Variants in SPARCL1 observed in about 807,000 individuals in gnomAD.
SPARCL1 encodes the protein SPARC-like protein 1.
SPARCL1 carries 52 observed loss-of-function variants against 67.1 expected under a neutral mutation model. That is an observed-to-expected ratio of 0.78 (90% CI 0.62 to 0.98). The LOEUF (loss-of-function observed/expected upper bound fraction) is 0.98, where lower values mean the gene tolerates loss of function less well. SPARCL1 is among the 50% of genes least tolerant of loss of function. The probability of loss-of-function intolerance (pLI) is 0.00; values close to 1 mark genes in which losing one functional copy is unlikely to be tolerated. For missense variants in SPARCL1, 717 were observed against 782.4 expected, an observed-to-expected ratio of 0.92 and a Z score of 1.00; for synonymous variants, 226 against 267.8, an observed-to-expected ratio of 0.84 and a Z score of 1.52.
rs373527512 is a variant in SPARCL1, at chr4:87,491,636, T to C, written c.1273A>G (p.Met425Val). ...NEEETSSEGN[M>V]RVHAVDSCMS... is the part of the protein sequence containing the mutation. ...TACTCACCCACAGCATGCACCCTCATGTTGCCTTCACTTGACGTTTCCTCC... is the reference window on the plus strand; with the variant it reads ...TACTCACCCACAGCATGCACCCTCACGTTGCCTTCACTTGACGTTTCCTCC... Residue 425 changes from methionine (M) to valine (V), a missense_variant, in exon 5 of 11, where the codon ATG (methionine) becomes GTG (valine). Met to Val is a conservative substitution (Grantham distance 21). Coordinates refer to ENST00000282470, the MANE Select transcript of SPARCL1 (RefSeq NM_004684.6). 7.4e-6 allele frequency: 12 copies of C among 1,613,548 alleles called. No homozygotes were observed. In the African/African-American group the frequency reaches 1.2e-4, roughly 16 times the overall value.
At position 87,491,746 on chromosome 4, in the gene SPARCL1, A is replaced by AG. The variant is rs1261250133; in HGVS notation, c.1219-57_1219-56insC. 32 of 1,200,804 alleles carry AG rather than the reference A, an allele frequency of 2.7e-5. No homozygotes were observed. In the East Asian group the frequency reaches 5.4e-4, roughly 20 times the overall value. The allele number at this position is 1,200,804 out of a possible 1,614,324, so 74.4% of individuals were successfully genotyped here. On this transcript the variant is annotated intron_variant, in intron 4 of 10. Transcript: ENST00000282470. ...CTACTAAGAGGAGAGCCATTACTTAATTTATATTTCCACTGTGCATACTTT... is the reference window on the plus strand; with the variant it reads ...CTACTAAGAGGAGAGCCATTACTTAAGTTTATATTTCCACTGTGCATACTTT...
chr4:87,475,954 G>A (rs1356938232), intron 10 of SPARCL1, among the ~76,000 whole-genome samples: 2 of 152,148 alleles, frequency 1.3e-5, no homozygotes. Context: ...ATTCACAATA[G>A]CAAAGATATA....
In SPARCL1 at chr4:87,494,156, T is replaced by C; in HGVS notation, c.644A>G (p.Asn215Ser). Reference protein sequence around the residue: ...EKEPGEVGTHNDNQERKTELP... With the variant: ...EKEPGEVGTHSDNQERKTELP... ...TTCTGTCTTTCTTTCTTGGTTATCATTGTGGGTACCAACTTCACCTGGCTC... is the reference window on the plus strand; with the variant it reads ...TTCTGTCTTTCTTTCTTGGTTATCACTGTGGGTACCAACTTCACCTGGCTC... The change falls in exon 4 of 11, where the codon AAT (asparagine) becomes AGT (serine). Residue 215 changes from asparagine to serine, a missense_variant. Coordinates refer to ENST00000282470, the MANE Select transcript of SPARCL1 (RefSeq NM_004684.6). 2 of 1,613,836 alleles carry C rather than the reference T, an allele frequency of 1.2e-6. No homozygotes were observed. The highest frequency in any genetic ancestry group is 1.7e-6 in the Non-Finnish European group (2 of 1,180,006).
intron 10 of SPARCL1, among the ~76,000 whole-genome samples, chr4:87,478,375 T>TTG (rs144027566): frequency 2.2e-4 from 34 of 151,544 alleles, no homozygotes; most frequent in African/African-American, 5.1e-4. Flanking sequence ...ACTATCATTT[T>TTG]TGTGTGTGTG....
chr4:87,492,906 C>A (rs1007062778), intron 4 of SPARCL1, among the ~76,000 whole-genome samples: 3 of 152,186 alleles, frequency 2.0e-5, no homozygotes, highest in African/African-American at 4.8e-5. Flanking sequence ...TAAAGTAGGA[C>A]CTTAATCTTT....
At position 87,482,509 on chromosome 4, in the gene SPARCL1, C is replaced by G. The variant is rs1208368812; in HGVS notation, c.1583G>C (p.Arg528Thr). 1 of 1,614,036 alleles carries G rather than the reference C, an allele frequency of 6.2e-7. No homozygotes were observed. Among genetic ancestry groups the G allele is most frequent in the South Asian group, 1.1e-5 (1 of 91,072 alleles). ...FEVIQFPLRM[R>T]DWLKNILMQL... ...CATGAGGATATTCTTGAGCCAGTCT[C>G]TCATCCGTAGAGGAAACTGAATCAC... Residue 528 changes from arginine to threonine, a missense_variant, in exon 8 of 11, where the codon AGA becomes ACA. Transcript: ENST00000282470.
chr4:87,523,944 A>T (rs1725929536), intron 1 of SPARCL1, among the ~76,000 whole-genome samples: 1 of 152,126 alleles, frequency 6.6e-6, no homozygotes, highest in Admixed American at 6.5e-5. Context: ...ATTAATGACC[A>T]TTTTCATAAC....
chr4:87,499,077 T>C (rs1402031124), intron 2 of SPARCL1, among the ~76,000 whole-genome samples: 3 of 152,204 alleles, frequency 2.0e-5, no homozygotes, highest in Admixed American at 6.5e-5. Flanking sequence ...GGTTTTGCCA[T>C]GTTGGCCAGG....
intron 10 of SPARCL1, among the ~76,000 whole-genome samples, chr4:87,477,576 C>T (rs541321410): frequency 1.3e-5 from 2 of 152,170 alleles, no homozygotes; most frequent in South Asian, 2.1e-4. Context: ...CCTGGTCACT[C>T]GCTCTGGAGG....
intron 10 of SPARCL1, among the ~76,000 whole-genome samples, chr4:87,475,932 C>T (rs370392237): frequency 9.9e-5 from 15 of 152,280 alleles, no homozygotes; most frequent in South Asian, 6.2e-4. Flanking sequence ...CTCATATGCT[C>T]GTTGCAGCAC....
intron 7 of SPARCL1, among the ~76,000 whole-genome samples, chr4:87,489,963 T>C (rs140269421): frequency 2.6e-5 from 4 of 152,196 alleles, no homozygotes; most frequent in Non-Finnish European, 4.4e-5. Context: ...ATTCCAGTGA[T>C]TCAACTCTGT....
intron 4 of SPARCL1, among the ~76,000 whole-genome samples, chr4:87,491,911 C>T (rs2110226006): frequency 6.7e-6 from 1 of 149,374 alleles, no homozygotes; most frequent in Middle Eastern, 3.4e-3. Context: ...TTAAGACCAA[C>T]CTGGGCAACA....
chr4:87,502,048 C>T (rs1395366423), intron 1 of SPARCL1, among the ~76,000 whole-genome samples: 1 of 151,844 alleles, frequency 6.6e-6, no homozygotes, highest in Non-Finnish European at 1.5e-5. Context: ...AAGTGATCTG[C>T]CTGCCTCAGC....
chr4:87,491,968 A>T (rs1177422982), intron 4 of SPARCL1, among the ~76,000 whole-genome samples: 1 of 117,396 alleles, frequency 8.5e-6, no homozygotes, highest in African/African-American at 3.1e-5. Context: ...AAAAAAAAAA[A>T]TTAGCTGGGC....
At chr4:87,506,331 G>C (rs545993659) in intron 1 of SPARCL1, among the ~76,000 whole-genome samples, 2 of 152,304 alleles carry the variant, frequency 1.3e-5, no homozygotes, top group South Asian at 4.1e-4. Flanking sequence ...ATGTCAACTT[G>C]ACTAGACCAT....
chr4:87,524,416 T>C (rs1725952379), intron 1 of SPARCL1, among the ~76,000 whole-genome samples: 1 of 152,192 alleles, frequency 6.6e-6, no homozygotes. Flanking sequence ...AACATAGAAG[T>C]TGACCCTCCT....
At chr4:87,490,240 A>G in intron 7 of SPARCL1, 33 bp downstream of exon 7, 1 of 1,585,126 alleles carries the variant, frequency 6.3e-7, no homozygotes, top group Non-Finnish European at 8.6e-7. Flanking sequence ...GCCCTCTCAG[A>G]GATGATGGTT....
At chr4:87,506,703 A>C (rs1390780366) in intron 1 of SPARCL1, among the ~76,000 whole-genome samples, 1 of 152,142 alleles carries the variant, frequency 6.6e-6, no homozygotes, top group Non-Finnish European at 1.5e-5. Flanking sequence ...TTGGCTTTCC[A>C]ATTTGCTGAC....
rs141344304 is a variant in SPARCL1, at chr4:87,495,081, G to A, written c.101C>T (p.Thr34Met). 35 of 1,611,294 alleles carry A rather than the reference G, an allele frequency of 2.2e-5. No individual in the cohort carries two copies. The highest frequency in any genetic ancestry group is 3.3e-4 in the Middle Eastern group (2 of 6,056). ...LSDHSKPTAETVAPDNTAIPS... is the reference protein window; with the variant it reads ...LSDHSKPTAEMVAPDNTAIPS... ...GATTGCAGTGTTGTCAGGTGCTACC[G>A]TTTCAGCAGTTGGTTTGGAATGATC... Residue 34 changes from threonine (T) to methionine (M), a missense_variant, in exon 3 of 11, where the codon ACG becomes ATG. By Grantham distance (81) the Thr-to-Met change is moderately conservative. Coordinates refer to ENST00000282470, the MANE Select transcript of SPARCL1 (RefSeq NM_004684.6).
Sources: allele counts gnomAD v4.1 joint callset (sites outside exome capture counted in the v4.1 genomes callset), GRCh38; gene constraint gnomAD v4.1.1; transcripts MANE v1.5; gene names NCBI Gene and HGNC (gene_info 2026-07-23, HGNC 2026-07-21).